The following TDRP variants were observed in gnomAD, a reference collection of about 807,000 sequenced individuals.
TDRP encodes testis development related protein.
In TDRP, 12 loss-of-function variants were observed where a neutral mutation model predicts 10.5. The ratio of observed to expected loss-of-function variants is 1.15; its 90% CI spans 0.73 to 1.86. The LOEUF (loss-of-function observed/expected upper bound fraction) is 1.86, where lower values mean the gene tolerates loss of function less well. Among genes scored for constraint, TDRP ranks in the 40% most tolerant of loss-of-function variants. The pLI is 0.00. For missense variants in TDRP, 353 were observed against 229.2 expected, an observed-to-expected ratio of 1.54 and a Z score of -3.49; for synonymous variants, 139 against 95.4, an observed-to-expected ratio of 1.46 and a Z score of -2.67.
intron 1 of TDRP, among the ~76,000 whole-genome samples, chr8:514,760 G>C (rs552881853): frequency 6.6e-6 from 1 of 152,186 alleles, no homozygotes; most frequent in African/African-American, 2.4e-5. Flanking sequence ...CAGCTCTATA[G>C]GGGAAGGCCC....
intron 1 of TDRP, among the ~76,000 whole-genome samples, chr8:498,876 A>G (rs995277740): frequency 7.8e-6 from 1 of 128,366 alleles, no homozygotes; most frequent in Non-Finnish European, 1.6e-5. Context: ...AGTGTGTGGC[A>G]CCTCCCTGTT....
chr8:497,032 G>A (rs1395375282), intron 1 of TDRP, among the ~76,000 whole-genome samples: 4 of 152,174 alleles, frequency 2.6e-5, no homozygotes, highest in Non-Finnish European at 4.4e-5. Context: ...TGCAGTCTCA[G>A]GTAGTTCTTT....
In TDRP at chr8:544,631, C is replaced by G. The variant is rs780088725; in HGVS notation, c.108+19G>C. On this transcript the variant is annotated intron_variant, in intron 1 of 2. Transcript: ENST00000324079. ...GCGCCCCCGGCCTACTAGCACTCCC[C>G]ACCTGCGCACCCCCTCACCTGCGCC... The G allele has an allele frequency of 8.1e-7, 1 of 1,234,286 alleles. No individual in the cohort carries two copies. The highest frequency in any genetic ancestry group is 1.6e-5 in the African/African-American group (1 of 64,072). 76.5% of individuals were successfully genotyped at this position (1,234,286 alleles called of 1,614,324 possible).
intron 1 of TDRP, among the ~76,000 whole-genome samples, chr8:528,072 A>C (rs996419029): frequency 4.6e-5 from 7 of 152,184 alleles, no homozygotes; most frequent in African/African-American, 9.7e-5. Flanking sequence ...GAAAAAACCT[A>C]ATAATCCAAT....
chr8:520,813 G>T (rs1478003582), intron 1 of TDRP, among the ~76,000 whole-genome samples: 1 of 152,130 alleles, frequency 6.6e-6, no homozygotes, highest in Non-Finnish European at 1.5e-5. Context: ...TTGGTCATAG[G>T]AGTTCTTTAA....
intron 1 of TDRP, among the ~76,000 whole-genome samples, chr8:534,453 G>A (rs1380344226): frequency 1.3e-5 from 2 of 152,234 alleles, no homozygotes; most frequent in African/African-American, 2.4e-5. Flanking sequence ...CATTCACACC[G>A]AACTCTCAGC....
At chr8:534,663 T>C (rs750520057) in intron 1 of TDRP, among the ~76,000 whole-genome samples, 5 of 152,218 alleles carry the variant, frequency 3.3e-5, no homozygotes, top group South Asian at 2.1e-4. Context: ...GAAAGACACA[T>C]GCCTCAGCTG....
chr8:497,896 C>T (rs1339106902), intron 1 of TDRP, among the ~76,000 whole-genome samples: 1 of 152,214 alleles, frequency 6.6e-6, no homozygotes, highest in Admixed American at 6.5e-5. Context: ...CCAGCCATGA[C>T]TTCAGAGGGT....
chr8:501,047 A>G (rs946319328), intron 1 of TDRP, among the ~76,000 whole-genome samples: 3 of 152,080 alleles, frequency 2.0e-5, no homozygotes, highest in Non-Finnish European at 4.4e-5. Flanking sequence ...TCTACTAAAA[A>G]TACAAAAATT....
At chr8:528,328 G>GTT (rs1295114657) in intron 1 of TDRP, among the ~76,000 whole-genome samples, 1 of 152,138 alleles carries the variant, frequency 6.6e-6, no homozygotes, top group African/African-American at 2.4e-5. Context: ...AAATAGTACA[G>GTT]CCACTATGGA....
chr8:544,829 C>A lies in TDRP; in HGVS notation c.-72G>T. 2 of 1,108,806 alleles carry A rather than the reference C, an allele frequency of 1.8e-6. No homozygotes were observed. The highest frequency in any genetic ancestry group is 2.3e-6 in the Non-Finnish European group (2 of 878,562). The allele number at this position is 1,108,806 out of a possible 1,614,324, so 68.7% of individuals were successfully genotyped here. A position where few individuals can be genotyped will look rare whatever the true frequency, so the allele number is the denominator to read the frequency against. The stretch of plus-strand genomic sequence containing the variant: ...CTCCGCGTCCCTCCCGGCCGCCGGA[C>A]GCTCTGCCTGCGGCTCCTGCGGGAC... On this transcript the variant is annotated 5_prime_UTR_variant, in exon 1 of 3. Coordinates refer to ENST00000324079, the MANE Select transcript of TDRP (RefSeq NM_001384899.1).
chr8:526,331 G>A (rs1391550785), intron 1 of TDRP, among the ~76,000 whole-genome samples: 1 of 152,144 alleles, frequency 6.6e-6, no homozygotes, highest in East Asian at 1.9e-4. Context: ...TGGGTTGTCA[G>A]TATGATACTA....
At chr8:518,256 T>C (rs1481719699) in intron 1 of TDRP, among the ~76,000 whole-genome samples, 1 of 152,144 alleles carries the variant, frequency 6.6e-6, no homozygotes, top group African/African-American at 2.4e-5. Flanking sequence ...GTGCCTTCCC[T>C]TCAATTTTGC....
At chr8:506,561 A>C (rs548669848) in intron 1 of TDRP, among the ~76,000 whole-genome samples, 1 of 152,296 alleles carries the variant, frequency 6.6e-6, no homozygotes, top group East Asian at 1.9e-4. Flanking sequence ...TGCACTGCAA[A>C]CAGTGGAGCC....
chr8:501,492 G>A (rs565842443), intron 1 of TDRP, among the ~76,000 whole-genome samples: 19 of 151,766 alleles, frequency 1.3e-4, no homozygotes, highest in African/African-American at 3.4e-4. Flanking sequence ...AATTACAGGC[G>A]ATGGCCACCA....
At chr8:517,005 G>C (rs959124108) in intron 1 of TDRP, among the ~76,000 whole-genome samples, 1 of 152,172 alleles carries the variant, frequency 6.6e-6, no homozygotes, top group Admixed American at 6.5e-5. Flanking sequence ...TAAGCCTCCT[G>C]ATGCACTGAA....
At chr8:517,840 G>C (rs562919013) in intron 1 of TDRP, among the ~76,000 whole-genome samples, 11 of 152,162 alleles carry the variant, frequency 7.2e-5, no homozygotes, top group Non-Finnish European at 1.5e-4. Flanking sequence ...ATCTTACTAA[G>C]TGAAAGAAGC....
At chr8:508,271 G>A (rs1801518752) in intron 1 of TDRP, among the ~76,000 whole-genome samples, 1 of 152,154 alleles carries the variant, frequency 6.6e-6, no homozygotes, top group Admixed American at 6.5e-5. Context: ...TTAATTTAGA[G>A]AAGAAAAAAT....
chr8:492,978 G>C (rs1318385245), intron 2 of TDRP, among the ~76,000 whole-genome samples: 3 of 152,124 alleles, frequency 2.0e-5, no homozygotes, highest in Non-Finnish European at 2.9e-5. Context: ...CATAAGCAAA[G>C]AACTAGTTCT....
Sources: gnomAD v4.1 joint callset for allele counts (sites outside exome capture counted in the v4.1 genomes callset) on GRCh38, gnomAD v4.1.1 for gene constraint, MANE v1.5 for transcripts, NCBI Gene and HGNC (gene_info 2026-07-23, HGNC 2026-07-21) for gene names.